Variants in SMARCD3 observed in about 807,000 individuals in gnomAD.
The protein encoded by SMARCD3 is SWI/SNF related BAF chromatin remodeling complex subunit D3, also known as SWI/SNF-related matrix-associated actin-dependent regulator of chromatin subfamily D member 3.
Under a neutral mutation model 58.0 loss-of-function variants are expected in SMARCD3, and 14 were observed. The ratio of observed to expected loss-of-function variants is 0.24; its 90% confidence interval spans 0.16 to 0.38. The LOEUF (loss-of-function observed/expected upper bound fraction) is 0.38, where lower values mean the gene tolerates loss of function less well. SMARCD3 is among the 10% of genes least tolerant of loss of function. SMARCD3 has a pLI of 1.00. For missense variants in SMARCD3, 408 were observed against 636.9 expected, an observed-to-expected ratio of 0.64 and a Z score of 3.87; for synonymous variants, 253 against 253.8, an observed-to-expected ratio of 1.00 and a Z score of 0.03.
At chr7:151,248,753 GC>G (rs1410351807), upstream of SMARCD3, 2 of 1,071,284 alleles carry the variant, frequency 1.9e-6, no homozygotes, top group African/African-American at 1.7e-5. The surrounding 1 kb of genome is among the most constrained non-coding windows in gnomAD (Gnocchi z 6.1). Context: ...GCCGCCGCCC[GC>G]CCGCCGCCGC....
chr7:151,239,287 G>A lies in SMARCD3; in HGVS notation c.1398+109C>T, dbSNP rs920544594. 8.2e-5 allele frequency: 107 copies of A among 1,309,548 alleles called. No individual in the cohort carries two copies. The highest frequency in any genetic ancestry group is 1.8e-4 in the Middle Eastern group (1 of 5,496). 81.1% of individuals were successfully genotyped at this position (1,309,548 alleles called of 1,614,324 possible). ...GAGGGCCATTGCATGGTGAGGCAGC[G>A]TGGTGAAGCTTTACTGTGGGGAGCT... On this transcript the variant is annotated intron_variant, in intron 12 of 12. Transcript: ENST00000262188. This position sits in a 1 kb window ranked among gnomAD's most constrained non-coding sequence, Gnocchi z 7.0.
intron 2 of SMARCD3, among the ~76,000 whole-genome samples, chr7:151,266,717 G>C (rs773054007): frequency 6.6e-6 from 1 of 152,022 alleles, no homozygotes; most frequent in African/African-American, 2.4e-5. Context: ...GGTTTTTTTT[G>C]TTTGTTTGTT....
At chr7:151,252,440 T>A (rs12672996), upstream of SMARCD3, among the ~76,000 whole-genome samples, 8,108 of 149,352 alleles carry the variant, frequency 0.054, 272 homozygotes, top group Non-Finnish European at 0.071. Flanking sequence ...TGTGTGTGTG[T>A]GAGAGAGAGA....
In SMARCD3 at chr7:151,243,653, A is replaced by G. The variant is rs1323296324; in HGVS notation, c.333+6T>C. 3 of 1,592,696 alleles carry G rather than the reference A, an allele frequency of 1.9e-6. No individual in the cohort carries two copies. The highest frequency in any genetic ancestry group is 1.7e-6 in the Non-Finnish European group (2 of 1,160,884). On this transcript the variant is annotated splice_donor_region_variant and intron_variant, in intron 3 of 12. Transcript: ENST00000262188. The surrounding 1 kb of genome is among the most constrained non-coding windows in gnomAD (Gnocchi z 4.4). ...TGGGCTGGGGGCTGCTGTGAAAGGC[A>G]CTCACCCTTTGAGGGAGGATTTTGT...
intron 2 of SMARCD3, among the ~76,000 whole-genome samples, chr7:151,272,662 A>G (rs2150618470): frequency 6.6e-6 from 1 of 152,278 alleles, no homozygotes; most frequent in East Asian, 1.9e-4. Flanking sequence ...TTGGAAAGTC[A>G]AGAAACCGAA....
intron 2 of SMARCD3, among the ~76,000 whole-genome samples, chr7:151,254,094 C>T (rs906878873): frequency 2.0e-5 from 3 of 152,194 alleles, no homozygotes; most frequent in Admixed American, 1.3e-4. Context: ...GTCTTTCCCT[C>T]TCCTCCTCCC....
intron 2 of SMARCD3, among the ~76,000 whole-genome samples, chr7:151,264,742 G>A (rs1046607950): frequency 1.3e-5 from 2 of 152,244 alleles, no homozygotes; most frequent in Non-Finnish European, 2.9e-5. Flanking sequence ...TTGGCAGCCA[G>A]CATGGGGCAG....
intron 2 of SMARCD3, chr7:151,254,433 G>A (rs1803634111): frequency 6.6e-6 from 1 of 152,500 alleles, no homozygotes; most frequent in Non-Finnish European, 1.5e-5. Flanking sequence ...TTCCTCCCTG[G>A]AGCTCTGTCC....
chr7:151,264,058 A>ATTTT (rs780437491), intron 2 of SMARCD3, among the ~76,000 whole-genome samples: 4,096 of 135,418 alleles, frequency 0.03, 248 homozygotes, highest in African/African-American at 0.11. Context: ...TGAAGACAGG[A>ATTTT]TTTTTTTTTT....
chr7:151,248,829 C>T (rs1390808967), upstream of SMARCD3: 3 of 342,850 alleles, frequency 8.8e-6, no homozygotes, highest in African/African-American at 6.7e-5. The surrounding 1 kb of genome is among the most constrained non-coding windows in gnomAD (Gnocchi z 6.1). Context: ...GGCCCGGGGT[C>T]TGCCTGTTGA....
At chr7:151,244,856 C>T (rs1192815405) in intron 2 of SMARCD3, among the ~76,000 whole-genome samples, 4 of 152,200 alleles carry the variant, frequency 2.6e-5, no homozygotes, top group Non-Finnish European at 4.4e-5. Context: ...TTGAGGGTGC[C>T]ACCAGCTGCT....
upstream of SMARCD3, chr7:151,248,775 G>A (rs1343751014): frequency 1.2e-6 from 1 of 862,892 alleles, no homozygotes; most frequent in East Asian, 6.8e-5. This position sits in a 1 kb window ranked among gnomAD's most constrained non-coding sequence, Gnocchi z 6.1. Flanking sequence ...CGCCGCCGCC[G>A]CGGCTGCCGC....
chr7:151,245,476 G>T lies in SMARCD3; in HGVS notation c.274C>A (p.Pro92Thr). ...CCCACTCACCTGCGGCTCCGCGCGG[G>T]GGCGGTGGGCACCGGCTGGCCCTGG... ...QSQGQPVPTA[P>T]ARSRSAKRRK... is the part of the protein sequence containing the mutation. The change falls in exon 2 of 13, where the codon CCC (proline) becomes ACC (threonine). Residue 92 changes from proline (P) to threonine (T), a missense_variant. Pro to Thr is a conservative substitution (Grantham distance 38). Coordinates refer to ENST00000262188, the MANE Select transcript of SMARCD3 (RefSeq NM_001003801.2). The surrounding 1 kb of genome is among the most constrained non-coding windows in gnomAD (Gnocchi z 6.2). 1 of 1,221,190 alleles carries T rather than the reference G, an allele frequency of 8.2e-7. No individual in the cohort carries two copies. The highest frequency in any genetic ancestry group is 1.0e-6 in the Non-Finnish European group (1 of 979,792). The allele number at this position is 1,221,190 out of a possible 1,614,324, so 75.6% of individuals were successfully genotyped here.
At chr7:151,255,884 CTTT>C (rs34508011) in intron 2 of SMARCD3, among the ~76,000 whole-genome samples, 1 of 145,414 alleles carries the variant, frequency 6.9e-6, no homozygotes, top group Non-Finnish European at 1.5e-5. Flanking sequence ...CTTGCATGTA[CTTT>C]TTTTTTTTTT....
chr7:151,269,136 G>T (rs759079799), intron 2 of SMARCD3, among the ~76,000 whole-genome samples: 3 of 152,204 alleles, frequency 2.0e-5, no homozygotes, highest in Admixed American at 6.5e-5. Flanking sequence ...TGAAGGAAGA[G>T]GCCTGGGTAA....
Position 151,240,211 on chromosome 7 carries a change from A to G in SMARCD3, c.1074T>C (p.Tyr358=), listed in dbSNP as rs371522326. 38 of 1,614,054 alleles carry G rather than the reference A, an allele frequency of 2.4e-5. No homozygotes were observed. In the African/African-American group the frequency reaches 4.4e-4, roughly 19 times the overall value. Residue 358 remains tyrosine, a synonymous_variant, in exon 10 of 13, where the codon TAT becomes TAC. Transcript: ENST00000262188. ...DPSDQKKTAC[Y]DIDVEVEEPL... is the part of the protein sequence containing the mutation. Reference sequence around the variant, plus strand: ...GCTCCTCCACCTCCACGTCAATGTCATAGCACGCCGTCTTCTTCTGGTCTG... The same window carrying G: ...GCTCCTCCACCTCCACGTCAATGTCGTAGCACGCCGTCTTCTTCTGGTCTG...
At chr7:151,257,067 A>T (rs940834732) in intron 2 of SMARCD3, among the ~76,000 whole-genome samples, 2 of 152,110 alleles carry the variant, frequency 1.3e-5, no homozygotes, top group African/African-American at 2.4e-5. Flanking sequence ...ATTACTTTTT[A>T]AAAAATAGAG....
upstream of SMARCD3, chr7:151,248,782 C>A: frequency 1.3e-6 from 1 of 795,958 alleles, no homozygotes; most frequent in Non-Finnish European, 1.6e-6. The surrounding 1 kb of genome is among the most constrained non-coding windows in gnomAD (Gnocchi z 6.1). Context: ...GCCGCGGCTG[C>A]CGCATTCCTG....
chr7:151,239,763 A>G lies in SMARCD3; in HGVS notation c.1174-17T>C, dbSNP rs769620993. The stretch of plus-strand genomic sequence containing the variant: ...CTCATGGATCTGCAGGTAGAAAGAT[A>G]GATGCTTTCCACCTGGCTTTGGTGA... On this transcript the variant is annotated splice_polypyrimidine_tract_variant and intron_variant, in intron 10 of 12. Transcript: ENST00000262188. The surrounding 1 kb of genome is among the most constrained non-coding windows in gnomAD (Gnocchi z 7.0). The G allele has an allele frequency of 1.2e-5, 19 of 1,611,734 alleles. No individual in the cohort carries two copies. The highest frequency in any genetic ancestry group is 4.2e-6 in the Non-Finnish European group (5 of 1,178,804).
Sources: gnomAD v4.1 joint callset for allele counts (sites outside exome capture counted in the v4.1 genomes callset) on GRCh38, gnomAD v4.1.1 for gene constraint, Gnocchi (gnomAD v3.1) non-coding constraint, MANE v1.5 for transcripts, NCBI Gene and HGNC (gene_info 2026-07-23, HGNC 2026-07-21) for gene names.